Variants in CCDC85A observed in about 807,000 individuals in gnomAD.
CCDC85A encodes coiled-coil domain containing 85A, also known as coiled-coil domain-containing protein 85A.
CCDC85A carries 38 observed loss-of-function variants against 50.2 expected under a neutral mutation model. The observed-to-expected ratio is 0.76, with a 90% CI of 0.58 to 0.99. The LOEUF (loss-of-function observed/expected upper bound fraction) is 0.99, where lower values mean the gene tolerates loss of function less well. CCDC85A is among the 50% of genes least tolerant of loss of function. The pLI, the probability that CCDC85A is intolerant of heterozygous loss-of-function variation, is 0.00. For synonymous variants in CCDC85A, 366 were observed against 301.4 expected (o/e 1.21, Z -2.22); for missense variants, 820 against 742.0 (o/e 1.11, Z -1.22).
chr2:56,353,116 C>T (rs919950604), intron 3 of CCDC85A, among the ~76,000 whole-genome samples: 3 of 152,176 alleles, frequency 2.0e-5, no homozygotes, highest in Non-Finnish European at 2.9e-5. Context: ...TACTCTACCT[C>T]ACTGGATTCT....
intron 3 of CCDC85A, among the ~76,000 whole-genome samples, chr2:56,359,632 G>A (rs994943934): frequency 4.6e-5 from 7 of 152,230 alleles, no homozygotes; most frequent in East Asian, 1.9e-4. Flanking sequence ...TATGTTTATC[G>A]ATGGATGAAG....
intron 2 of CCDC85A, among the ~76,000 whole-genome samples, chr2:56,299,277 T>G (rs1408008441): frequency 6.6e-6 from 1 of 152,154 alleles, no homozygotes; most frequent in Non-Finnish European, 1.5e-5. Context: ...TTTCAGGACA[T>G]CTTTAATGAG....
intron 2 of CCDC85A, among the ~76,000 whole-genome samples, chr2:56,248,423 A>G (rs1669605603): frequency 6.6e-6 from 1 of 152,128 alleles, no homozygotes; most frequent in South Asian, 2.1e-4. Flanking sequence ...AGGGAAGCAG[A>G]CAGGCCCTTG....
At chr2:56,286,413 T>A (rs191679811) in intron 2 of CCDC85A, among the ~76,000 whole-genome samples, 3,186 of 152,262 alleles carry the variant, frequency 0.021, 102 homozygotes, top group African/African-American at 0.071. Flanking sequence ...AAAATTTTTT[T>A]AAAATGCTTT....
At chr2:56,266,716 G>A (rs1670465777) in intron 2 of CCDC85A, among the ~76,000 whole-genome samples, 1 of 151,776 alleles carries the variant, frequency 6.6e-6, no homozygotes, top group South Asian at 2.1e-4. Context: ...TGGGATGTCA[G>A]CTTCCGGATT....
chr2:56,225,638 G>A (rs1431607053), intron 2 of CCDC85A, among the ~76,000 whole-genome samples: 1 of 152,108 alleles, frequency 6.6e-6, no homozygotes, highest in Non-Finnish European at 1.5e-5. Context: ...ATTTCCATAT[G>A]TCTTTTAGTG....
intron 2 of CCDC85A, among the ~76,000 whole-genome samples, chr2:56,295,914 G>A (rs898880925): frequency 5.9e-5 from 9 of 152,180 alleles, no homozygotes; most frequent in Non-Finnish European, 1.2e-4. Context: ...TCTGTGTCAG[G>A]ATTCTGCAAA....
chr2:56,336,875 T>G (rs182795512), intron 2 of CCDC85A, among the ~76,000 whole-genome samples: 2 of 152,224 alleles, frequency 1.3e-5, no homozygotes, highest in East Asian at 3.9e-4. Flanking sequence ...CAAGAATATC[T>G]AAAGTCAGGG....
intron 3 of CCDC85A, among the ~76,000 whole-genome samples, chr2:56,350,556 A>G (rs1269878427): frequency 6.6e-6 from 1 of 152,190 alleles, no homozygotes; most frequent in African/African-American, 2.4e-5. Flanking sequence ...TGTAAATACC[A>G]TTGAAATGTG....
At chr2:56,310,188 C>G (rs1017367047) in intron 2 of CCDC85A, among the ~76,000 whole-genome samples, 13 of 152,220 alleles carry the variant, frequency 8.5e-5, no homozygotes, top group Non-Finnish European at 1.6e-4. Flanking sequence ...AGGGACATAC[C>G]TCGGGTAAAA....
chr2:56,323,135 G>A (rs527613616), intron 2 of CCDC85A, among the ~76,000 whole-genome samples: 19 of 152,120 alleles, frequency 1.2e-4, no homozygotes, highest in Non-Finnish European at 2.8e-4. Flanking sequence ...CACACACCAG[G>A]GCCTGTTGTG....
At chr2:56,311,219 C>A (rs1672677393) in intron 2 of CCDC85A, among the ~76,000 whole-genome samples, 1 of 152,218 alleles carries the variant, frequency 6.6e-6, no homozygotes, top group South Asian at 2.1e-4. Context: ...GTCTCAAATT[C>A]TATAGTCAAT....
intron 2 of CCDC85A, among the ~76,000 whole-genome samples, chr2:56,205,394 G>A (rs1676919682): frequency 6.7e-6 from 1 of 148,414 alleles, no homozygotes; most frequent in African/African-American, 2.5e-5. Flanking sequence ...TTGGAGTAAG[G>A]CTCTTCAGAG....
intron 2 of CCDC85A, among the ~76,000 whole-genome samples, chr2:56,325,449 G>T (rs1673418760): frequency 6.6e-6 from 1 of 152,182 alleles, no homozygotes; most frequent in African/African-American, 2.4e-5. Context: ...GATTTGTGGG[G>T]AATAAGCAAT....
intron 1 of CCDC85A, among the ~76,000 whole-genome samples, chr2:56,188,139 C>T (rs1304515852): frequency 1.3e-5 from 2 of 152,052 alleles, no homozygotes; most frequent in East Asian, 1.9e-4. Flanking sequence ...TTCTGGTGGC[C>T]GGTGGCAATG....
chr2:56,216,206 A>T (rs56385739), intron 2 of CCDC85A, among the ~76,000 whole-genome samples: 386 of 152,030 alleles, frequency 2.5e-3, no homozygotes, highest in Non-Finnish European at 4.6e-3. Flanking sequence ...TCCTATGTGC[A>T]TACTTGTGCA....
intron 2 of CCDC85A, among the ~76,000 whole-genome samples, chr2:56,328,805 G>T (rs1050234751): frequency 6.6e-6 from 1 of 151,886 alleles, no homozygotes; most frequent in African/African-American, 2.4e-5. Flanking sequence ...TGCTTTCTGC[G>T]CCACTGCCCT....
chr2:56,234,417 G>C (rs1053025423), intron 2 of CCDC85A, among the ~76,000 whole-genome samples: 5 of 151,998 alleles, frequency 3.3e-5, no homozygotes, highest in Non-Finnish European at 5.9e-5. Flanking sequence ...AATTGAACTG[G>C]CTCCTCTCGA....
Position 56,184,323 on chromosome 2 carries a change from C to A in CCDC85A, c.-302C>A. 1 of 589,334 alleles carries A rather than the reference C, an allele frequency of 1.7e-6. No homozygotes were observed. The highest frequency in any genetic ancestry group is 2.3e-6 in the Non-Finnish European group (1 of 435,474). The allele number at this position is 589,334 out of a possible 1,614,324, so 36.5% of individuals were successfully genotyped here. ...TCCCCCGCTGTCCCCGAGGATTTCC[C>A]GCGGCAGCCCCGGGCTCCCCAGTGC... On this transcript the variant is annotated 5_prime_UTR_variant, in exon 1 of 6. Transcript: ENST00000407595.
Sources: gnomAD v4.1 joint callset for allele counts (sites outside exome capture counted in the v4.1 genomes callset) on GRCh38, gnomAD v4.1.1 for gene constraint, MANE v1.5 for transcripts, NCBI Gene and HGNC (gene_info 2026-07-23, HGNC 2026-07-21) for gene names.